Variants in ZNF410 observed in about 807,000 individuals in gnomAD.
ZNF410 encodes another partner for ARF 1.
ZNF410 carries 18 observed loss-of-function variants against 54.8 expected under a neutral mutation model. The observed-to-expected ratio is 0.33, with a 90% confidence interval of 0.23 to 0.49. The LOEUF is 0.49. ZNF410 is among the 20% of genes least tolerant of loss of function. The pLI is 0.99. For missense variants in ZNF410, 405 were observed against 569.6 expected, an observed-to-expected ratio of 0.71 and a Z score of 2.94; for synonymous variants, 191 against 207.3, an observed-to-expected ratio of 0.92 and a Z score of 0.68.
chr14:73,896,718 T>A (rs1447996471), intron 4 of ZNF410, 184 bp downstream of exon 4: 4 of 599,374 alleles, frequency 6.7e-6, no homozygotes, highest in Non-Finnish European at 1.2e-5. Context: ...ATGACTCATA[T>A]CTTGTTTGGG....
chr14:73,913,719 A>T (rs1451844293), intron 8 of ZNF410: 1 of 152,216 alleles, frequency 6.6e-6, no homozygotes, highest in African/African-American at 2.4e-5. Context: ...TGTTCTCCGT[A>T]TCAGTCTCTC....
intron 8 of ZNF410, among the ~76,000 whole-genome samples, chr14:73,911,128 T>C (rs1251829515): frequency 6.6e-6 from 1 of 152,184 alleles, no homozygotes; most frequent in Non-Finnish European, 1.5e-5. Context: ...TGAGAGTAAG[T>C]AGCATAACTT....
intron 7 of ZNF410, 68 bp downstream of exon 7, chr14:73,905,151 GAA>G: frequency 6.6e-7 from 1 of 1,516,488 alleles, no homozygotes; most frequent in African/African-American, 1.4e-5. Context: ...CTCTCCTTAG[GAA>G]AGACTCAAGT....
At chr14:73,914,017 C>T (rs1013602733) in intron 8 of ZNF410, 15 of 152,194 alleles carry the variant, frequency 9.9e-5, no homozygotes, top group African/African-American at 3.1e-4. Flanking sequence ...CCTTTCCAAG[C>T]TAGATGCCTT....
At chr14:73,891,627 T>G (rs965100183) in intron 1 of ZNF410, among the ~76,000 whole-genome samples, 2 of 152,228 alleles carry the variant, frequency 1.3e-5, no homozygotes, top group Non-Finnish European at 2.9e-5. Context: ...GTGCTGGGAT[T>G]ACAGTTGTAA....
In ZNF410 at chr14:73,931,485, G is replaced by C. The variant is rs764554684; in HGVS notation, c.1399-18G>C. ...TTCAACTGTAACCTATTCTAGATTT[G>C]CTTTCAATCTTTTACAGTTACTAAA... is the stretch of plus-strand genomic sequence containing the variant. On this transcript the variant is annotated intron_variant, in intron 11 of 11. Coordinates refer to ENST00000555044, the MANE Select transcript of ZNF410 (RefSeq NM_021188.3). 6.2e-7 allele frequency: 1 copy of C among 1,605,184 alleles called. No individual in the cohort carries two copies.
At chr14:73,930,243 A>G (rs2055891349) in intron 11 of ZNF410, among the ~76,000 whole-genome samples, 1 of 152,186 alleles carries the variant, frequency 6.6e-6, no homozygotes, top group Admixed American at 6.5e-5. Flanking sequence ...CACAGCATCA[A>G]ATGGAATATG....
At chr14:73,914,972 A>C (rs992699708) in intron 8 of ZNF410, 4 of 150,652 alleles carry the variant, frequency 2.7e-5, no homozygotes, top group African/African-American at 9.7e-5. Flanking sequence ...TGTTGAATAG[A>C]AGTGGTGAGG....
chr14:73,932,363 A>G lies in ZNF410; in HGVS notation c.*822A>G, dbSNP rs1021551592. The G allele has an allele frequency of 9.7e-6, 4 of 412,934 alleles. No homozygotes were observed. Among genetic ancestry groups the G allele is most frequent in the Middle Eastern group, 3.5e-4 (1 of 2,864 alleles). The allele number at this position is 412,934 out of a possible 1,614,324, so 25.6% of individuals were successfully genotyped here. A position where few individuals can be genotyped will look rare whatever the true frequency, so the allele number is the denominator to read the frequency against. Reference sequence around the variant, plus strand: ...TCCCTTTAAAATAGTGTATTGATTTACCCTTAGGATTCCATACCAGTAAAA... The same window carrying G: ...TCCCTTTAAAATAGTGTATTGATTTGCCCTTAGGATTCCATACCAGTAAAA... On this transcript the variant is annotated 3_prime_UTR_variant, in exon 12 of 12. Coordinates refer to ENST00000555044, the MANE Select transcript of ZNF410 (RefSeq NM_021188.3).
intron 11 of ZNF410, among the ~76,000 whole-genome samples, chr14:73,930,865 T>C (rs1741961396): frequency 1.3e-5 from 2 of 152,236 alleles, no homozygotes; most frequent in African/African-American, 4.8e-5. Context: ...CCTCCCAAAG[T>C]GCTGGGATTA....
chr14:73,909,117 T>C (rs904006333), intron 7 of ZNF410, among the ~76,000 whole-genome samples: 6 of 152,186 alleles, frequency 3.9e-5, no homozygotes, highest in Non-Finnish European at 5.9e-5. Context: ...GAAGGAAATA[T>C]AGGCTTACAT....
At chr14:73,888,263 A>G (rs2055174538) in intron 1 of ZNF410, 1 of 152,228 alleles carries the variant, frequency 6.6e-6, no homozygotes. Context: ...TGGATTTTGG[A>G]CATTGTTAGG....
At chr14:73,892,276 G>A (rs949344857) in intron 2 of ZNF410, 68 bp downstream of exon 2, 8 of 1,545,004 alleles carry the variant, frequency 5.2e-6, no homozygotes, top group Non-Finnish European at 7.0e-6. Context: ...TTCAGTTTAG[G>A]GGGTCAGCAA....
intron 3 of ZNF410, chr14:73,894,521 G>A: frequency 1.5e-6 from 1 of 663,272 alleles, no homozygotes; most frequent in South Asian, 1.6e-5. Flanking sequence ...TCCCCTCCCA[G>A]GTTCAAGCTA....
intron 8 of ZNF410, among the ~76,000 whole-genome samples, chr14:73,912,066 GT>G (rs1027520836): frequency 1.3e-5 from 2 of 151,938 alleles, no homozygotes; most frequent in African/African-American, 4.8e-5. Flanking sequence ...GCTTCGTTTT[GT>G]GTCACATCAG....
intron 8 of ZNF410, among the ~76,000 whole-genome samples, chr14:73,912,121 G>GCTGGC (rs2055588900): frequency 6.6e-6 from 1 of 151,578 alleles, no homozygotes; most frequent in South Asian, 2.1e-4. Context: ...CATGGGTTCA[G>GCTGGC]CTGGCCTGAT....
chr14:73,920,647 T>C, intron 8 of ZNF410: 1 of 204,200 alleles, frequency 4.9e-6, no homozygotes, highest in Non-Finnish European at 9.9e-6. Flanking sequence ...GGAAAGCACA[T>C]GTCCTAGAGG....
In ZNF410 at chr14:73,896,553, T is replaced by G. The variant is rs183535973; in HGVS notation, c.388+19T>G. 1,602 of 1,608,558 alleles carry G rather than the reference T, an allele frequency of 1.0e-3. 6 individuals carry two copies. The Middle Eastern group carries it at 0.016, about 16-fold the overall frequency. On this transcript the variant is annotated intron_variant, in intron 4 of 11. Transcript: ENST00000555044. ...AGAGCAGGTATTCTTTCCTTTTTTT[T>G]GGGCTCTGCTTATGCCTAAGAAAAA...
chr14:73,927,161 C>T (rs1437269062), intron 11 of ZNF410: 7 of 250,824 alleles, frequency 2.8e-5, no homozygotes, highest in South Asian at 9.9e-5. Flanking sequence ...TCTCGGCTCA[C>T]TGCAACCTCT....
Sources: gnomAD v4.1 joint callset for allele counts (sites outside exome capture counted in the v4.1 genomes callset) on GRCh38, gnomAD v4.1.1 for gene constraint, MANE v1.5 for transcripts, NCBI Gene and HGNC (gene_info 2026-07-23, HGNC 2026-07-21) for gene names.